The following HMOX2 variants were observed in gnomAD, a reference collection of about 807,000 sequenced individuals.
HMOX2 encodes the protein heme oxygenase 2.
A neutral mutation model predicts 33.7 loss-of-function variants in HMOX2; 30 were observed. The ratio of observed to expected loss-of-function variants is 0.89; its 90% confidence interval spans 0.67 to 1.21. The LOEUF (loss-of-function observed/expected upper bound fraction) is 1.21, where lower values mean the gene tolerates loss of function less well. HMOX2 is among the 50% of genes most tolerant of loss of function. HMOX2 has a pLI of 0.00. For synonymous variants in HMOX2, 155 were observed against 155.0 expected (o/e 1.00, Z 0.00); for missense variants, 403 against 399.1 (o/e 1.01, Z -0.08).
intron 1 of HMOX2, among the ~76,000 whole-genome samples, chr16:4,480,756 G>T (rs887193497): frequency 1.3e-5 from 2 of 149,130 alleles, no homozygotes. Flanking sequence ...AGGTTTAAGC[G>T]ATTCTCCTGC....
intron 2 of HMOX2, 93 bp downstream of exon 2, chr16:4,505,703 G>A (rs1329777104): frequency 7.8e-6 from 7 of 902,108 alleles, no homozygotes; most frequent in Non-Finnish European, 1.2e-5. Flanking sequence ...GCACTGGGGA[G>A]TGGCCATGGG....
rs1488271986 is a variant in HMOX2, at chr16:4,483,968, C to CA, written c.-42+7486dup. Among the ~76,000 whole-genome samples, 660 of 124,006 alleles carry CA rather than the reference C, an allele frequency of 5.3e-3. 6 individuals carry two copies. Among genetic ancestry groups the CA allele is most frequent in the African/African-American group, 0.02 (631 of 32,016 alleles). 81.4% of individuals were successfully genotyped at this position (124,006 alleles called of 152,430 possible). A position where few individuals can be genotyped will look rare whatever the true frequency, so the allele number is the denominator to read the frequency against. On this transcript the variant is annotated intron_variant, in intron 1 of 5. Transcript: ENST00000570646. The stretch of plus-strand genomic sequence containing the variant: ...ACAGTATCACACCCGTGCATATGCC[C>CA]AAAAATTTTTTTTTTTTTTTTTTTG...
chr16:4,489,034 G>T (rs1321652019), intron 1 of HMOX2, among the ~76,000 whole-genome samples: 1 of 151,816 alleles, frequency 6.6e-6, no homozygotes, highest in Non-Finnish European at 1.5e-5. Flanking sequence ...TTGCCTTGTT[G>T]CCCAGGCTGG....
At chr16:4,475,632 T>C (rs534045536), upstream of HMOX2, among the ~76,000 whole-genome samples, 10 of 152,004 alleles carry the variant, frequency 6.6e-5, no homozygotes, top group Admixed American at 3.3e-4. Flanking sequence ...GTAATTTCTT[T>C]GTGTTCAGTA....
At chr16:4,502,064 A>C (rs17884379) in intron 1 of HMOX2, among the ~76,000 whole-genome samples, 2,276 of 152,316 alleles carry the variant, frequency 0.015, 52 homozygotes, top group African/African-American at 0.052. Flanking sequence ...CAGATTACAA[A>C]AAATTGCCCA....
At chr16:4,479,724 C>CTTTTT (rs1567377353) in intron 1 of HMOX2, among the ~76,000 whole-genome samples, 2 of 93,892 alleles carry the variant, frequency 2.1e-5, no homozygotes, top group African/African-American at 4.4e-5. Context: ...TTTTCTTATT[C>CTTTTT]TATTTTTTTT....
chr16:4,505,307 T>C (rs1414988402), intron 1 of HMOX2, among the ~76,000 whole-genome samples, 177 bp from the exon 2 acceptor site: 1 of 152,224 alleles, frequency 6.6e-6, no homozygotes, highest in Non-Finnish European at 1.5e-5. Flanking sequence ...CATATTCAGA[T>C]TTTTTCCATA....
intron 1 of HMOX2, 200 bp downstream of exon 1, chr16:4,476,687 A>T (rs2057852927): frequency 6.6e-6 from 1 of 152,396 alleles, no homozygotes. Flanking sequence ...CAGAAGGACG[A>T]AGAAGGGCGT....
chr16:4,491,528 T>G (rs1023331305), intron 1 of HMOX2, among the ~76,000 whole-genome samples: 1 of 151,982 alleles, frequency 6.6e-6, no homozygotes, highest in Non-Finnish European at 1.5e-5. Flanking sequence ...GTTGCATGCC[T>G]GTAGTCCCAG....
At chr16:4,495,014 T>C (rs2058385889) in intron 1 of HMOX2, among the ~76,000 whole-genome samples, 2 of 152,144 alleles carry the variant, frequency 1.3e-5, no homozygotes, top group Admixed American at 6.5e-5. Flanking sequence ...TCCCTGTAAG[T>C]TGGCTCTCAT....
At chr16:4,505,358 G>T in intron 1 of HMOX2, 126 bp from the exon 2 acceptor site, 3 of 527,482 alleles carry the variant, frequency 5.7e-6, no homozygotes. Flanking sequence ...TTATTTTAAA[G>T]AAAACAATCC....
intron 1 of HMOX2, among the ~76,000 whole-genome samples, chr16:4,485,810 T>G (rs143037914): frequency 0.02 from 3,065 of 152,254 alleles, 50 homozygotes; most frequent in Middle Eastern, 0.041. Context: ...CTGCAACCTC[T>G]GCCTCCCGGG....
chr16:4,475,764 C>T (rs1222340089), upstream of HMOX2, among the ~76,000 whole-genome samples: 1 of 151,652 alleles, frequency 6.6e-6, no homozygotes, highest in Non-Finnish European at 1.5e-5. Context: ...ATGGTGAAAC[C>T]CCCGTCTCTA....
Position 4,509,454 on chromosome 16 carries a change from G to A in HMOX2, c.739G>A (p.Glu247Lys). The A allele has an allele frequency of 6.2e-7, 1 of 1,614,176 alleles. No homozygotes were observed. The highest frequency in any genetic ancestry group is 2.2e-5 in the East Asian group (1 of 44,888). ...LDQAGSTLAR[E>K]TLEDGFPVHD... The stretch of plus-strand genomic sequence containing the variant: ...CCAGGCCGGCTCCACACTGGCCAGA[G>A]AGACCTTGGAGGATGGGTTCCCTGT... Residue 247 changes from glutamate to lysine, a missense_variant, in exon 5 of 6, where the codon GAG becomes AAG. Transcript: ENST00000570646.
rs928888746 is a variant in HMOX2 at position 4,483,197 on chromosome 16, G to A, written c.-42+6710G>A. On this transcript the variant is annotated intron_variant, in intron 1 of 5. Coordinates refer to ENST00000570646, the MANE Select transcript of HMOX2 (RefSeq NM_002134.4). The stretch of plus-strand genomic sequence containing the variant: ...TGTGTGTGTGTGTGTGTGTGTGTGT[G>A]TGTGTGTGTGTGTGTGTGTGTGTGT... Among the ~76,000 whole-genome samples, 177 of 132,082 alleles carry A rather than the reference G, an allele frequency of 1.3e-3. 2 individuals are homozygous for A. Among genetic ancestry groups the A allele is most frequent in the Middle Eastern group, 3.6e-3 (1 of 274 alleles). The allele number at this position is 132,082 out of a possible 152,430, so 86.7% of individuals were successfully genotyped here. A position where few individuals can be genotyped will look rare whatever the true frequency, so the allele number is the denominator to read the frequency against.
chr16:4,489,214 A>T (rs925689822), intron 1 of HMOX2, among the ~76,000 whole-genome samples: 1 of 152,228 alleles, frequency 6.6e-6, no homozygotes, highest in Non-Finnish European at 1.5e-5. Context: ...CCCTTCACAC[A>T]TGAAACAGTG....
At chr16:4,487,951 C>CA (rs71139635) in intron 1 of HMOX2, among the ~76,000 whole-genome samples, 2,206 of 70,446 alleles carry the variant, frequency 0.031, 64 homozygotes, top group African/African-American at 0.067. Flanking sequence ...AACTCTGTCT[C>CA]AAAAAAAAAA....
In HMOX2 at chr16:4,505,510, C is replaced by T. The variant is rs766284992; in HGVS notation, c.-15C>T. 5.0e-6 allele frequency: 8 copies of T among 1,598,176 alleles called. No homozygotes were observed. Among genetic ancestry groups the T allele is most frequent in the Non-Finnish European group, 6.8e-6 (8 of 1,171,020 alleles). On this transcript the variant is annotated 5_prime_UTR_variant, in exon 2 of 6. Transcript: ENST00000570646. ...ACCAGAGGAGCGAGAGCAGCAAGAA[C>T]CACACCCAGCAGCAATGTCAGCGGA...
chr16:4,477,497 TAAA>T (rs35695989), intron 1 of HMOX2, among the ~76,000 whole-genome samples: 15 of 72,670 alleles, frequency 2.1e-4, no homozygotes, highest in Admixed American at 3.5e-4. Context: ...AGACTCCATC[TAAA>T]AAAAAAAAAA....
Sources: allele counts gnomAD v4.1 joint callset (sites outside exome capture counted in the v4.1 genomes callset), GRCh38; gene constraint gnomAD v4.1.1; transcripts MANE v1.5; gene names NCBI Gene and HGNC (gene_info 2026-07-23, HGNC 2026-07-21).